The following CRHR2 variants were observed in gnomAD, a reference collection of about 807,000 sequenced individuals.
CRHR2 encodes the protein corticotropin-releasing hormone receptor 2.
In CRHR2, 53 loss-of-function variants were observed where a neutral mutation model predicts 57.9. That is an observed-to-expected ratio of 0.92 (90% CI 0.73 to 1.15). CRHR2 has a LOEUF of 1.15. CRHR2 is among the 50% of genes most tolerant of loss of function. The pLI, the probability that CRHR2 is intolerant of heterozygous loss-of-function variation, is 0.00. For missense variants in CRHR2, 532 were observed against 542.6 expected (o/e 0.98, Z 0.19); for synonymous variants, 213 against 220.9 (o/e 0.96, Z 0.32).
At chr7:30,678,129 C>T (rs959643881) in intron 2 of CRHR2, among the ~76,000 whole-genome samples, 1 of 152,202 alleles carries the variant, frequency 6.6e-6, no homozygotes, top group Non-Finnish European at 1.5e-5. Context: ...GCTTGGGGCC[C>T]CAAATCTGGT....
chr7:30,697,139 C>G (rs781460375), intron 1 of CRHR2, among the ~76,000 whole-genome samples: 1 of 152,184 alleles, frequency 6.6e-6, no homozygotes, highest in Non-Finnish European at 1.5e-5. Context: ...TGGACTCGGT[C>G]TTTGGTGTGA....
In CRHR2 at chr7:30,660,469, C is replaced by G. The variant is rs927732447; in HGVS notation, c.831+104G>C. 7 of 1,188,878 alleles carry G rather than the reference C, an allele frequency of 5.9e-6. No homozygotes were observed. The African/African-American group carries it at 9.1e-5, about 15-fold the overall frequency. 73.6% of individuals were successfully genotyped at this position (1,188,878 alleles called of 1,614,324 possible). A position where few individuals can be genotyped will look rare whatever the true frequency, so the allele number is the denominator to read the frequency against. On this transcript the variant is annotated intron_variant, in intron 8 of 11. Transcript: ENST00000471646. ...ACGGGGGTGGCATATAGAGTGTGTG[C>G]GCAGGGCTGCCCATGCCACATCTTT...
At chr7:30,695,789 C>G (rs1266802888) in intron 1 of CRHR2, among the ~76,000 whole-genome samples, 1 of 152,178 alleles carries the variant, frequency 6.6e-6, no homozygotes, top group Non-Finnish European at 1.5e-5. Flanking sequence ...GGAAAGGAAT[C>G]TGGAGTCAGG....
At chr7:30,688,375 T>G (rs1338528733) in intron 2 of CRHR2, among the ~76,000 whole-genome samples, 1 of 151,972 alleles carries the variant, frequency 6.6e-6, no homozygotes, top group Non-Finnish European at 1.5e-5. Context: ...CTAATACAGA[T>G]GGGTTAGGTG....
At position 30,656,854 on chromosome 7, in the gene CRHR2, T is replaced by C. The variant is rs1394095085; in HGVS notation, c.832-842A>G. Among the ~76,000 whole-genome samples the C allele has an allele frequency of 1.3e-5, 2 of 152,140 alleles. No homozygotes were observed. The highest frequency in any genetic ancestry group is 2.9e-5 in the Non-Finnish European group (2 of 68,006). Reference sequence around the variant, plus strand: ...GTCTGTGGGTCTATCCTTTAAGCACTTGTGCAAGTGTGTTTGCCTCACAGA... The same window carrying C: ...GTCTGTGGGTCTATCCTTTAAGCACCTGTGCAAGTGTGTTTGCCTCACAGA... On this transcript the variant is annotated intron_variant, in intron 8 of 11. Transcript: ENST00000471646. This position sits in a 1 kb window ranked among gnomAD's most constrained non-coding sequence, Gnocchi z 4.4.
At position 30,662,768 on chromosome 7, in the gene CRHR2, T is replaced by C. The variant is rs1162721998; in HGVS notation, c.623A>G (p.Tyr208Cys). The stretch of plus-strand genomic sequence containing the variant: ...GGTCATGACAATGGCCGTGTGCAGG[T>C]AGCAGCCTTCCACAAACATCCAGAA... ...NFFWMFVEGCYLHTAIVMTYS... is the reference protein window; with the variant it reads ...NFFWMFVEGCCLHTAIVMTYS... Residue 208 changes from tyrosine to cysteine, a missense_variant, in exon 6 of 12, where the codon TAC becomes TGC. By Grantham distance (194) the Tyr-to-Cys change is radical. Transcript: ENST00000471646. 1.2e-6 allele frequency: 2 copies of C among 1,614,068 alleles called. No individual in the cohort carries two copies. Among genetic ancestry groups the C allele is most frequent in the Admixed American group, 3.3e-5 (2 of 60,010 alleles).
rs1372375205 is a variant in CRHR2, at chr7:30,653,351, G to T, written c.*109C>A. The T allele has an allele frequency of 6.9e-7, 1 of 1,451,468 alleles. No individual in the cohort carries two copies. Among genetic ancestry groups the T allele is most frequent in the African/African-American group, 1.4e-5 (1 of 71,010 alleles). 89.9% of individuals were successfully genotyped at this position (1,451,468 alleles called of 1,614,324 possible). A position where few individuals can be genotyped will look rare whatever the true frequency, so the allele number is the denominator to read the frequency against. ...CTCTTTCCTGCCAGGCTGGAGAGCT[G>T]GTCTCTCCCCTCCCATCTCCTGCCC... On this transcript the variant is annotated 3_prime_UTR_variant, in exon 12 of 12. Coordinates refer to ENST00000471646, the MANE Select transcript of CRHR2 (RefSeq NM_001883.5). This position sits in a 1 kb window ranked among gnomAD's most constrained non-coding sequence, Gnocchi z 5.0.
chr7:30,672,597 C>T (rs542513861), intron 2 of CRHR2, among the ~76,000 whole-genome samples: 1 of 152,328 alleles, frequency 6.6e-6, no homozygotes, highest in South Asian at 2.1e-4. Flanking sequence ...AAAACAGTCA[C>T]ACATACATGC....
chr7:30,653,855 G>T lies in CRHR2; in HGVS notation c.1096-255C>A, dbSNP rs1280666140. ...CTCCCAGATCATCCAGTTTCCTCTG[G>T]ACACACTGCCTTCCCTTCCCTGACT... On this transcript the variant is annotated intron_variant, in intron 11 of 11. Coordinates refer to ENST00000471646, the MANE Select transcript of CRHR2 (RefSeq NM_001883.5). The surrounding 1 kb of genome is among the most constrained non-coding windows in gnomAD (Gnocchi z 5.0). 6.6e-6 allele frequency among the ~76,000 whole-genome samples: 1 copy of T among 152,042 alleles called. No individual in the cohort carries two copies. The highest frequency in any genetic ancestry group is 1.5e-5 in the Non-Finnish European group (1 of 68,008).
chr7:30,682,068 C>T (rs1784732042), intron 1 of CRHR2, 28 bp from the exon 2 acceptor site: 1 of 1,560,790 alleles, frequency 6.4e-7, no homozygotes, highest in South Asian at 1.2e-5. Flanking sequence ...CGCAGTAGGG[C>T]TCAGAGGGGC....
chr7:30,690,991 T>C (rs1784951454), intron 1 of CRHR2, among the ~76,000 whole-genome samples: 1 of 152,240 alleles, frequency 6.6e-6, no homozygotes, highest in East Asian at 1.9e-4. Flanking sequence ...ATGGTCTTGC[T>C]GTCCACATAT....
intron 5 of CRHR2, among the ~76,000 whole-genome samples, chr7:30,664,599 C>T (rs1784116506): frequency 6.6e-6 from 1 of 152,122 alleles, no homozygotes; most frequent in South Asian, 2.1e-4. Context: ...CTTTGTGAAG[C>T]TCCCAGCCTG....
At chr7:30,670,292 T>C (rs1784317765) in intron 2 of CRHR2, among the ~76,000 whole-genome samples, 1 of 152,250 alleles carries the variant, frequency 6.6e-6, no homozygotes, top group South Asian at 2.1e-4. Context: ...AATTCTGTTT[T>C]AGTGCATTTG....
In CRHR2 at chr7:30,665,874, G is replaced by C. The variant is rs1258234829; in HGVS notation, c.316-235C>G. 6.6e-6 allele frequency among the ~76,000 whole-genome samples: 1 copy of C among 151,992 alleles called. No individual in the cohort carries two copies. Among genetic ancestry groups the C allele is most frequent in the Non-Finnish European group, 1.5e-5 (1 of 67,982 alleles). On this transcript the variant is annotated intron_variant, in intron 3 of 11. Transcript: ENST00000471646. The surrounding 1 kb of genome is among the most constrained non-coding windows in gnomAD (Gnocchi z 4.5). ...ATTTATTTTTATTTTTTTAGAGATG[G>C]GGTATCACTCTGTTGCCCAAGCTGG...
intron 1 of CRHR2, among the ~76,000 whole-genome samples, chr7:30,692,224 A>T (rs761396014): frequency 6.6e-6 from 1 of 152,136 alleles, no homozygotes; most frequent in Non-Finnish European, 1.5e-5. Context: ...CTAGTTAGAG[A>T]GCTCAGTGAT....
At chr7:30,669,545 G>A (rs1230061666) in intron 2 of CRHR2, among the ~76,000 whole-genome samples, 1 of 152,152 alleles carries the variant, frequency 6.6e-6, no homozygotes, top group Non-Finnish European at 1.5e-5. Context: ...TGCCCATGGG[G>A]TCCCAAGTTC....
upstream of CRHR2, chr7:30,686,686 A>C: frequency 1.8e-6 from 1 of 571,110 alleles, no homozygotes; most frequent in African/African-American, 1.9e-5. Context: ...TAGGATAAAT[A>C]ATATGCCTCA....
At chr7:30,699,472 G>A (rs912289066) in intron 1 of CRHR2, among the ~76,000 whole-genome samples, 3 of 151,948 alleles carry the variant, frequency 2.0e-5, no homozygotes, top group South Asian at 2.1e-4. Flanking sequence ...GGGTCCCTGG[G>A]GGTAAGGGTC....
At chr7:30,664,694 C>T (rs987363993) in intron 5 of CRHR2, among the ~76,000 whole-genome samples, 1 of 152,002 alleles carries the variant, frequency 6.6e-6, no homozygotes, top group Non-Finnish European at 1.5e-5. Context: ...GCACCTGAGC[C>T]ACAGCCCAGA....
Sources: gnomAD v4.1 joint callset for allele counts (sites outside exome capture counted in the v4.1 genomes callset) on GRCh38, gnomAD v4.1.1 for gene constraint, Gnocchi (gnomAD v3.1) non-coding constraint, MANE v1.5 for transcripts, NCBI Gene and HGNC (gene_info 2026-07-23, HGNC 2026-07-21) for gene names.